The following CLVS1 variants were observed in gnomAD, a reference collection of about 807,000 sequenced individuals.
CLVS1 encodes the protein clavesin-1.
In CLVS1, 10 loss-of-function variants were observed where a neutral mutation model predicts 33.1. The observed-to-expected ratio is 0.30, with a 90% CI of 0.19 to 0.51. The LOEUF (loss-of-function observed/expected upper bound fraction) is 0.51. CLVS1 is among the 20% of genes least tolerant of loss of function. CLVS1 has a pLI of 0.97. For missense variants in CLVS1, 343 were observed against 433.4 expected (o/e 0.79, Z 1.85); for synonymous variants, 163 against 166.1 (o/e 0.98, Z 0.14).
chr8:61,030,766 T>C, the CLVS1 span, among the ~76,000 whole-genome samples: 3 of 152,188 alleles, frequency 2.0e-5, no homozygotes, highest in Non-Finnish European at 4.4e-5. Context: ...AGGATGACTT[T>C]TTTACTACCT....
intron 2 of CLVS1, among the ~76,000 whole-genome samples, chr8:61,222,673 C>T (rs528749391): frequency 5.3e-5 from 8 of 152,090 alleles, no homozygotes; most frequent in Non-Finnish European, 7.4e-5. Context: ...GTAGAGAGTT[C>T]GGTAGACATC....
At chr8:61,395,273 T>C (rs969788711) in intron 3 of CLVS1, among the ~76,000 whole-genome samples, 1 of 151,898 alleles carries the variant, frequency 6.6e-6, no homozygotes, top group African/African-American at 2.4e-5. Context: ...ATGCAGAAAC[T>C]AGAAAGGTGG....
intron 3 of CLVS1, among the ~76,000 whole-genome samples, chr8:61,397,973 G>T (rs560767951): frequency 6.6e-6 from 1 of 152,102 alleles, no homozygotes; most frequent in Admixed American, 6.6e-5. Flanking sequence ...AGATTGTTTG[G>T]GTTATCCAGC....
At chr8:61,044,932 G>A in the CLVS1 span, among the ~76,000 whole-genome samples, 1 of 152,190 alleles carries the variant, frequency 6.6e-6, no homozygotes, top group Non-Finnish European at 1.5e-5. Flanking sequence ...TCTTTGGATT[G>A]CATGTAAATG....
At chr8:61,215,349 C>T (rs1469530256) in intron 2 of CLVS1, among the ~76,000 whole-genome samples, 5 of 152,130 alleles carry the variant, frequency 3.3e-5, no homozygotes, top group Non-Finnish European at 5.9e-5. Context: ...ACTGCTCTGG[C>T]CACATGGCAC....
intron 4 of CLVS1, among the ~76,000 whole-genome samples, chr8:61,457,750 G>C (rs528497991): frequency 1.3e-3 from 195 of 152,226 alleles, no homozygotes; most frequent in Admixed American, 2.2e-3. Context: ...AGACGTAAAT[G>C]AACATATCAG....
chr8:61,157,218 A>G (rs1806667861), intron 2 of CLVS1, among the ~76,000 whole-genome samples: 1 of 152,172 alleles, frequency 6.6e-6, no homozygotes, highest in African/African-American at 2.4e-5. Flanking sequence ...TGCATAAAAC[A>G]CATAAAAGTA....
chr8:61,487,421 T>C (rs963147251), intron 5 of CLVS1, among the ~76,000 whole-genome samples: 14 of 152,246 alleles, frequency 9.2e-5, no homozygotes, highest in South Asian at 8.3e-4. Flanking sequence ...ACAGAGCTAG[T>C]AGGTGGCAAA....
intron 1 of CLVS1, among the ~76,000 whole-genome samples, chr8:61,080,351 G>A (rs1417852949): frequency 6.6e-6 from 1 of 152,156 alleles, no homozygotes; most frequent in Non-Finnish European, 1.5e-5. Flanking sequence ...GGGTAAAACA[G>A]TCATCACTTA....
chr8:61,429,286 T>C (rs1221667828), intron 3 of CLVS1, among the ~76,000 whole-genome samples: 1 of 151,802 alleles, frequency 6.6e-6, no homozygotes, highest in East Asian at 1.9e-4. Flanking sequence ...TGGGCGTGGT[T>C]GCTCATGCCT....
At chr8:61,455,429 G>T (rs781740397) in intron 4 of CLVS1, among the ~76,000 whole-genome samples, 16 of 151,932 alleles carry the variant, frequency 1.1e-4, no homozygotes, top group South Asian at 8.3e-4. Context: ...AACTTATTTA[G>T]ATTCCACATA....
chr8:60,977,224 T>C, the CLVS1 span, among the ~76,000 whole-genome samples: 2 of 152,356 alleles, frequency 1.3e-5, no homozygotes, highest in East Asian at 3.8e-4. Context: ...ATTAAATCTC[T>C]GGAGTTACCA....
intron 3 of CLVS1, among the ~76,000 whole-genome samples, chr8:61,415,628 C>T (rs1412592819): frequency 1.3e-5 from 2 of 152,282 alleles, no homozygotes; most frequent in East Asian, 1.9e-4. Flanking sequence ...AGGATGTTAG[C>T]AGAACTGTAG....
intron 2 of CLVS1, among the ~76,000 whole-genome samples, chr8:61,143,915 A>G (rs1711554913): frequency 6.7e-6 from 1 of 149,760 alleles, no homozygotes; most frequent in Non-Finnish European, 1.5e-5. Context: ...CAAGCAAATT[A>G]AGATGGAGAG....
In CLVS1 at chr8:61,108,377, A is replaced by G. The variant is rs540656017; in HGVS notation, c.-242-23393A>G. Among the ~76,000 whole-genome samples, 15 of 152,294 alleles carry G rather than the reference A, an allele frequency of 9.8e-5. No homozygotes were observed. In the South Asian group the frequency reaches 3.1e-3, roughly 32 times the overall value. ...TGTTTAATAGGCACTTTTCTATGCC[A>G]TTCATTATTGTTGACAACTAGTCGA... On this transcript the variant is annotated intron_variant, in intron 1 of 2. Coordinates refer to the CLVS1 transcript ENST00000522621.
intron 5 of CLVS1, among the ~76,000 whole-genome samples, chr8:61,474,012 C>G (rs544851767): frequency 8.7e-4 from 132 of 152,134 alleles, no homozygotes; most frequent in Non-Finnish European, 1.5e-3. Flanking sequence ...ATCAGGAACT[C>G]AAAGGCATAA....
At chr8:61,023,555 G>T in the CLVS1 span, among the ~76,000 whole-genome samples, 1 of 152,198 alleles carries the variant, frequency 6.6e-6, no homozygotes, top group Middle Eastern at 3.2e-3. Context: ...TCTCTATGGT[G>T]CCCAGTAGTC....
intron 5 of CLVS1, among the ~76,000 whole-genome samples, chr8:61,483,295 CAG>C (rs1404564085): frequency 1.3e-5 from 2 of 152,194 alleles, no homozygotes; most frequent in Non-Finnish European, 2.9e-5. Context: ...AAATTACCAT[CAG>C]AGAATACTAT....
chr8:61,484,724 T>A (rs1338741080), intron 5 of CLVS1, among the ~76,000 whole-genome samples: 1 of 152,174 alleles, frequency 6.6e-6, no homozygotes, highest in Non-Finnish European at 1.5e-5. Flanking sequence ...CAAAACAGCA[T>A]GGTACTGGTA....
Sources: gnomAD v4.1 joint callset for allele counts (sites outside exome capture counted in the v4.1 genomes callset) on GRCh38, gnomAD v4.1.1 for gene constraint, MANE v1.5 for transcripts, NCBI Gene and HGNC (gene_info 2026-07-23, HGNC 2026-07-21) for gene names.